Variants in CD96 observed in about 807,000 individuals in gnomAD.
CD96 encodes the protein CD96 molecule.
In CD96, 70 loss-of-function variants were observed where a neutral mutation model predicts 71.3. That is an observed-to-expected ratio of 0.98 (90% CI 0.81 to 1.20). The LOEUF (loss-of-function observed/expected upper bound fraction) is 1.20, where lower values mean the gene tolerates loss of function less well. Among genes scored for constraint, CD96 ranks in the 50% most tolerant of loss-of-function variants. The pLI is 0.00. For missense variants in CD96, 742 were observed against 677.5 expected (o/e 1.10, Z -1.06); for synonymous variants, 248 against 233.0 (o/e 1.06, Z -0.59).
At position 111,545,236 on chromosome 3, in the gene CD96, C is replaced by G; in HGVS notation, c.252C>G (p.Pro84=). 1 of 1,614,188 alleles carries G rather than the reference C, an allele frequency of 6.2e-7. No individual in the cohort carries two copies. Among genetic ancestry groups the G allele is most frequent in the Non-Finnish European group, 8.5e-7 (1 of 1,180,020 alleles). ...QYGFYCAYGR[P]CESLVTFTET... ...GCTTCTACTGTGCCTATGGGAGACC[C>G]TGTGAGTCACTTGTGACTTTCACAG... is the stretch of plus-strand genomic sequence containing the variant. Residue 84 remains proline, a synonymous_variant, in exon 2 of 14, where the codon CCC becomes CCG. Coordinates refer to ENST00000352690, the MANE Select transcript of CD96 (RefSeq NM_005816.5).
Position 111,650,784 on chromosome 3 carries a change from T to C in CD96, c.*978T>C, listed in dbSNP as rs1940041964. The C allele has an allele frequency of 6.6e-6, 1 of 152,210 alleles. No individual in the cohort carries two copies. Among genetic ancestry groups the C allele is most frequent in the South Asian group, 2.1e-4 (1 of 4,828 alleles). The allele number at this position is 152,210 out of a possible 1,614,324, so 9.4% of individuals were successfully genotyped here. ...AAGCAGTTGAAGCAGAATGTATAGG[T>C]GTCAGAGAAGAAACCTAGTCAGCCA... On this transcript the variant is annotated 3_prime_UTR_variant, in exon 14 of 14. Transcript: ENST00000352690.
At chr3:111,649,204 G>T (rs937205405) in intron 13 of CD96, among the ~76,000 whole-genome samples, 1 of 152,162 alleles carries the variant, frequency 6.6e-6, no homozygotes, top group African/African-American at 2.4e-5. Flanking sequence ...CCACATAAAA[G>T]AAACATTTCT....
chr3:111,625,860 A>C (rs1938724956), intron 10 of CD96, among the ~76,000 whole-genome samples: 1 of 152,236 alleles, frequency 6.6e-6, no homozygotes, highest in South Asian at 2.1e-4. Context: ...TATAATTGAA[A>C]ATGAATCAGG....
At chr3:111,646,495 A>G (rs956772318) in intron 12 of CD96, among the ~76,000 whole-genome samples, 44 of 151,978 alleles carry the variant, frequency 2.9e-4, no homozygotes, top group Admixed American at 2.0e-4. Context: ...TAAAACCACG[A>G]TAAGATACCA....
intron 8 of CD96, among the ~76,000 whole-genome samples, chr3:111,609,021 G>A (rs1318255668): frequency 6.6e-6 from 1 of 152,182 alleles, no homozygotes; most frequent in Non-Finnish European, 1.5e-5. Flanking sequence ...TTCTTTGTGA[G>A]TTCATGGGCT....
chr3:111,563,017 C>T (rs1398748), intron 2 of CD96, among the ~76,000 whole-genome samples: 57,050 of 152,094 alleles, frequency 0.38, 12,198 homozygotes, highest in Middle Eastern at 0.51. Context: ...CTGGTGAGGG[C>T]CTGCTTGCTA....
chr3:111,653,818 T>C (rs1940164228), downstream of CD96, among the ~76,000 whole-genome samples: 1 of 152,174 alleles, frequency 6.6e-6, no homozygotes, highest in South Asian at 2.1e-4. Flanking sequence ...GATAATTTTT[T>C]TTTTTTATGC....
At chr3:111,546,742 A>C (rs562621024) in intron 2 of CD96, among the ~76,000 whole-genome samples, 1 of 152,240 alleles carries the variant, frequency 6.6e-6, no homozygotes, top group South Asian at 2.1e-4. Context: ...CAGAACAAGC[A>C]ACAGGTATGG....
At chr3:111,591,401 C>T (rs1279034287) in intron 5 of CD96, among the ~76,000 whole-genome samples, 1 of 142,078 alleles carries the variant, frequency 7.0e-6, no homozygotes, top group Non-Finnish European at 1.5e-5. Context: ...AAAAAGACAC[C>T]AGAACCTAAA....
chr3:111,637,437 A>G (rs1252828199), intron 11 of CD96, among the ~76,000 whole-genome samples, 176 bp downstream of exon 11: 1 of 152,240 alleles, frequency 6.6e-6, no homozygotes, highest in Non-Finnish European at 1.5e-5. Context: ...TTCAAAGAAG[A>G]TAGAGACCAA....
chr3:111,582,622 G>T (rs1388076688), intron 4 of CD96, among the ~76,000 whole-genome samples: 1 of 152,152 alleles, frequency 6.6e-6, no homozygotes, highest in Non-Finnish European at 1.5e-5. Context: ...GGAAGAAAAA[G>T]AGATTTAGTT....
rs1451514778 is a variant in CD96 at position 111,560,604 on chromosome 3, G to A, written c.419-6919G>A. 3.5e-4 allele frequency among the ~76,000 whole-genome samples: 34 copies of A among 96,046 alleles called. 1 individual carries two copies. The East Asian group carries it at 8.8e-3, about 25-fold the overall frequency. 63.0% of individuals were successfully genotyped at this position (96,046 alleles called of 152,430 possible). On this transcript the variant is annotated intron_variant, in intron 2 of 13. Transcript: ENST00000352690. ...CTGTTAGTCTGATGGGCTTCCCTTT[G>A]AGGGTAACCCGACCTTTCTCTCTGG...
At position 111,650,083 on chromosome 3, in the gene CD96, T is replaced by A; in HGVS notation, c.*277T>A. On this transcript the variant is annotated 3_prime_UTR_variant, in exon 14 of 14. Transcript: ENST00000352690. ...GAAGTACATATTAGTCTGCCATCTT[T>A]AAAAAAAAATACAGTATTTTCATTT... 131 of 385,558 alleles carry A rather than the reference T, an allele frequency of 3.4e-4. No homozygotes were observed. The highest frequency in any genetic ancestry group is 4.3e-4 in the East Asian group (8 of 18,560). 23.9% of individuals were successfully genotyped at this position (385,558 alleles called of 1,614,324 possible).
intron 13 of CD96, among the ~76,000 whole-genome samples, chr3:111,648,022 G>A (rs1445479248): frequency 6.6e-6 from 1 of 152,096 alleles, no homozygotes; most frequent in African/African-American, 2.4e-5. Flanking sequence ...GAACTGCCTA[G>A]GCTCCACTGG....
intron 2 of CD96, among the ~76,000 whole-genome samples, chr3:111,565,269 A>G (rs1220883382): frequency 6.6e-6 from 1 of 152,122 alleles, no homozygotes; most frequent in African/African-American, 2.4e-5. Flanking sequence ...TTCCCCACCA[A>G]TTAAGAGGGA....
chr3:111,661,052 G>A (rs971940395), intron 14 of CD96, among the ~76,000 whole-genome samples: 1 of 152,210 alleles, frequency 6.6e-6, no homozygotes, highest in African/African-American at 2.4e-5. Context: ...AGGCTGTATG[G>A]AGGAATGGCT....
chr3:111,581,168 CGGTGGATGCTTA>C (rs561727447), intron 4 of CD96, among the ~76,000 whole-genome samples: 2 of 152,206 alleles, frequency 1.3e-5, no homozygotes, highest in South Asian at 2.1e-4. Context: ...GAAGTCCTTT[CGGTGGATGCTTA>C]AAAATATGAA....
At chr3:111,621,999 A>T (rs751387400) in intron 8 of CD96, among the ~76,000 whole-genome samples, 17 of 152,192 alleles carry the variant, frequency 1.1e-4, no homozygotes, top group Non-Finnish European at 2.2e-4. Context: ...AGAAGTTACA[A>T]TTACCGCACA....
At chr3:111,584,204 A>G in intron 4 of CD96, among the ~76,000 whole-genome samples, 1 of 152,184 alleles carries the variant, frequency 6.6e-6, no homozygotes, top group East Asian at 1.9e-4. Context: ...AAAACATAAC[A>G]AGAGTCACCT....
Sources: gnomAD v4.1 joint callset for allele counts (sites outside exome capture counted in the v4.1 genomes callset) on GRCh38, gnomAD v4.1.1 for gene constraint, MANE v1.5 for transcripts, NCBI Gene and HGNC (gene_info 2026-07-23, HGNC 2026-07-21) for gene names.